GABRB1: variants seen among roughly 807,000 people sequenced by gnomAD.
GABRB1 encodes the protein gamma-aminobutyric acid type A receptor subunit beta1, also known as gamma-aminobutyric acid receptor subunit beta-1.
In GABRB1, 17 loss-of-function variants were observed where a neutral mutation model predicts 51.6. That is an observed-to-expected ratio of 0.33 (90% CI 0.23 to 0.49). GABRB1 has a LOEUF of 0.49. Ranked by LOEUF, GABRB1 falls within the 20% of genes least tolerant of loss-of-function variation. GABRB1 has a pLI of 0.99. For synonymous variants in GABRB1, 247 were observed against 218.9 expected (o/e 1.13, Z -1.14); for missense variants, 410 against 600.6 (o/e 0.68, Z 3.32).
chr4:47,213,850 G>A (rs1204228036), intron 4 of GABRB1, among the ~76,000 whole-genome samples: 1 of 146,116 alleles, frequency 6.8e-6, no homozygotes, highest in African/African-American at 2.5e-5. Context: ...TTTTTTTTCT[G>A]TTCAGGAAGT....
chr4:47,094,379 C>G (rs1394527298), intron 3 of GABRB1, among the ~76,000 whole-genome samples: 2 of 151,794 alleles, frequency 1.3e-5, no homozygotes. Context: ...GTGCCCACCA[C>G]CAGCCCAGCT....
intron 4 of GABRB1, among the ~76,000 whole-genome samples, chr4:47,302,896 G>A (rs1430097153): frequency 6.6e-6 from 1 of 151,946 alleles, no homozygotes; most frequent in Non-Finnish European, 1.5e-5. Flanking sequence ...ATTCTGAAGT[G>A]TAATGGTCAC....
intron 4 of GABRB1, among the ~76,000 whole-genome samples, chr4:47,274,067 CT>C (rs1722980577): frequency 6.6e-6 from 1 of 152,050 alleles, no homozygotes; most frequent in Admixed American, 6.6e-5. Flanking sequence ...TTGGATAATG[CT>C]TCCATCCTCT....
At chr4:47,285,070 GA>G (rs1233594723) in intron 4 of GABRB1, among the ~76,000 whole-genome samples, 1 of 152,166 alleles carries the variant, frequency 6.6e-6, no homozygotes, top group African/African-American at 2.4e-5. Context: ...AGTATTTGCA[GA>G]GAAGATTTCA....
At chr4:47,144,070 A>T (rs1384235472) in intron 3 of GABRB1, among the ~76,000 whole-genome samples, 1 of 151,976 alleles carries the variant, frequency 6.6e-6, no homozygotes, top group Non-Finnish European at 1.5e-5. Flanking sequence ...GGCATGATAA[A>T]TTCTGTATTG....
At chr4:47,339,335 C>T (rs1295399718) in intron 5 of GABRB1, among the ~76,000 whole-genome samples, 1 of 152,140 alleles carries the variant, frequency 6.6e-6, no homozygotes, top group East Asian at 1.9e-4. Flanking sequence ...ACATGAAAAC[C>T]AGGCATTGAG....
Position 46,998,381 on chromosome 4 carries a change from G to A in GABRB1, c.-20+4455G>A, listed in dbSNP as rs984564294. On this transcript the variant is annotated intron_variant, in intron 1 of 3. Transcript: ENST00000513567. ...CTCACATTAATTTGAATTACATTCA[G>A]AAATATTAGTTATTCAATATTAGCT... is the stretch of plus-strand genomic sequence containing the variant. Among the ~76,000 whole-genome samples the A allele has an allele frequency of 7.2e-5, 11 of 152,186 alleles. No individual in the cohort carries two copies. In the East Asian group the frequency reaches 1.5e-3, roughly 21 times the overall value.
intron 7 of GABRB1, 89 bp downstream of exon 7, chr4:47,403,800 A>G: frequency 7.8e-7 from 1 of 1,275,972 alleles, no homozygotes; most frequent in South Asian, 1.4e-5. Context: ...GGGCTCTCTT[A>G]TAGCAAGCCA....
At position 47,232,822 on chromosome 4, in the gene GABRB1, AT is replaced by A. The variant is rs927536701; in HGVS notation, c.461+71362del. Among the ~76,000 whole-genome samples, 1,200 of 148,406 alleles carry A rather than the reference AT, an allele frequency of 8.1e-3. 14 individuals are homozygous for A. Among genetic ancestry groups the A allele is most frequent in the African/African-American group, 0.028 (1,111 of 40,384 alleles). ...TTCAAAAATGATTCTCAAATTTCTT[AT>A]TTTTTTTTGTCTCCATTCCTACTCC... On this transcript the variant is annotated intron_variant, in intron 4 of 8. Transcript: ENST00000295454.
intron 4 of GABRB1, among the ~76,000 whole-genome samples, chr4:47,195,441 TAGATG>T (rs1719632174): frequency 1.8e-5 from 2 of 110,952 alleles, no homozygotes; most frequent in Non-Finnish European, 3.6e-5. Flanking sequence ...GATAGATAGA[TAGATG>T]ATAGATAGAT....
chr4:47,374,650 A>G (rs1207510135), intron 5 of GABRB1, among the ~76,000 whole-genome samples: 2 of 152,320 alleles, frequency 1.3e-5, no homozygotes, highest in African/African-American at 4.8e-5. Context: ...TGCAGCAAAC[A>G]TCATCTGAAC....
chr4:47,358,379 GTGTATATA>G (rs1323369048), intron 5 of GABRB1, among the ~76,000 whole-genome samples: 3 of 151,620 alleles, frequency 2.0e-5, no homozygotes, highest in Non-Finnish European at 2.9e-5. Context: ...ATATGTGTGT[GTGTATATA>G]TGTATATATA....
chr4:47,077,500 T>C (rs1203151724), intron 3 of GABRB1, among the ~76,000 whole-genome samples: 3 of 152,126 alleles, frequency 2.0e-5, no homozygotes, highest in Non-Finnish European at 1.5e-5. Context: ...TAAATATGCC[T>C]TTGAGACAAA....
At chr4:47,067,301 T>C (rs377310447) in intron 3 of GABRB1, among the ~76,000 whole-genome samples, 3 of 152,288 alleles carry the variant, frequency 2.0e-5, no homozygotes, top group East Asian at 1.9e-4. Context: ...TAAATAAGCA[T>C]TGGCTTCAAC....
In GABRB1 at chr4:47,031,903, C is replaced by T; in HGVS notation, c.81-11C>T. On this transcript the variant is annotated splice_polypyrimidine_tract_variant and intron_variant, in intron 1 of 8. Coordinates refer to ENST00000295454, the MANE Select transcript of GABRB1 (RefSeq NM_000812.4). Reference sequence around the variant, plus strand: ...CTCATTTTGAATACGGTCCCTACTTCTTCCCCTTAGCACCAATGAACCCAG... The same window carrying T: ...CTCATTTTGAATACGGTCCCTACTTTTTCCCCTTAGCACCAATGAACCCAG... The T allele has an allele frequency of 6.2e-7, 1 of 1,611,968 alleles. No individual in the cohort carries two copies. The highest frequency in any genetic ancestry group is 1.1e-5 in the South Asian group (1 of 91,038).
chr4:47,205,178 CT>C (rs1296149084), intron 4 of GABRB1, among the ~76,000 whole-genome samples: 10 of 152,118 alleles, frequency 6.6e-5, no homozygotes, highest in African/African-American at 2.2e-4. Flanking sequence ...CCAAATACTC[CT>C]GAGAAAGGCA....
chr4:47,395,440 C>T (rs886240061), intron 5 of GABRB1, among the ~76,000 whole-genome samples: 1 of 152,302 alleles, frequency 6.6e-6, no homozygotes, highest in Admixed American at 6.5e-5. Context: ...AAAATCCACA[C>T]CCATAATCCA....
At chr4:47,155,168 A>ACAGG (rs973975633) in intron 3 of GABRB1, among the ~76,000 whole-genome samples, 1 of 152,066 alleles carries the variant, frequency 6.6e-6, no homozygotes. Context: ...AGCAGGAATT[A>ACAGG]CAGGCAGGCA....
chr4:47,122,200 A>C (rs34552901), intron 3 of GABRB1, among the ~76,000 whole-genome samples: 39,158 of 152,066 alleles, frequency 0.26, 6,115 homozygotes, highest in Middle Eastern at 0.43. Flanking sequence ...AAAACTTTGA[A>C]TCATCAGTGG....
Sources: allele counts gnomAD v4.1 joint callset (sites outside exome capture counted in the v4.1 genomes callset), GRCh38; gene constraint gnomAD v4.1.1; transcripts MANE v1.5; gene names NCBI Gene and HGNC (gene_info 2026-07-23, HGNC 2026-07-21).